The following PTPN6 variants were observed in gnomAD, a reference collection of about 807,000 sequenced individuals.
PTPN6 encodes the protein protein tyrosine phosphatase non-receptor type 6, also known as tyrosine-protein phosphatase non-receptor type 6.
In PTPN6, 18 loss-of-function variants were observed where a neutral mutation model predicts 81.5. That is an observed-to-expected ratio of 0.22 (90% confidence interval 0.15 to 0.33). The LOEUF is 0.33. Ranked by LOEUF, PTPN6 falls within the 10% of genes least tolerant of loss-of-function variation. PTPN6 has a pLI of 1.00. For missense variants in PTPN6, 500 were observed against 794.2 expected, an observed-to-expected ratio of 0.63 and a Z score of 4.45; for synonymous variants, 301 against 310.9, an observed-to-expected ratio of 0.97 and a Z score of 0.33.
In PTPN6 at chr12:6,956,429, T is replaced by C; in HGVS notation, c.935T>C (p.Leu312Pro). 1 of 1,614,134 alleles carries C rather than the reference T, an allele frequency of 6.2e-7. No individual in the cohort carries two copies. The highest frequency in any genetic ancestry group is 8.5e-7 in the Non-Finnish European group (1 of 1,180,024). ...INANYIKNQLLGPDENAKTYI... is the reference protein window; with the variant it reads ...INANYIKNQLPGPDENAKTYI... ...CACGCTTGCGTCCAGAACCAGCTGC[T>C]AGGCCCTGATGAGAACGCTAAGACC... Residue 312 changes from leucine to proline, a missense_variant, in exon 9 of 16, where the codon CTA (leucine) becomes CCA (proline). Physicochemically the swap from Leu to Pro is moderately conservative, Grantham distance 98 (BLOSUM62 -3). Transcript: ENST00000318974. This position sits in a 1 kb window ranked among gnomAD's most constrained non-coding sequence, Gnocchi z 4.1.
At position 6,952,525 on chromosome 12, in the gene PTPN6, T is replaced by G. The variant is rs1555147945; in HGVS notation, c.326+348T>G. On this transcript the variant is annotated intron_variant, in intron 3 of 15. Coordinates refer to ENST00000318974, the MANE Select transcript of PTPN6 (RefSeq NM_002831.6). This position sits in a 1 kb window ranked among gnomAD's most constrained non-coding sequence, Gnocchi z 8.1. ...CAGCTCTGTTGTTAGAAAGCTCTTC[T>G]TCCTCTGGAATCGAGCCTGCCTTCC... 2.6e-6 allele frequency: 1 copy of G among 381,264 alleles called. No individual in the cohort carries two copies. Among genetic ancestry groups the G allele is most frequent in the Non-Finnish European group, 5.0e-6 (1 of 200,852 alleles). The allele number at this position is 381,264 out of a possible 1,614,324, so 23.6% of individuals were successfully genotyped here. A position where few individuals can be genotyped will look rare whatever the true frequency, so the allele number is the denominator to read the frequency against.
rs1669441148 is a variant in PTPN6 at position 6,955,105 on chromosome 12, G to A, written c.517-46G>A. ...TTGAATTCAAGGCTGGGGACCCAGG[G>A]AGGGAGACTCAAGTCCTGTGAATGG... On this transcript the variant is annotated intron_variant, in intron 4 of 15. Coordinates refer to ENST00000318974, the MANE Select transcript of PTPN6 (RefSeq NM_002831.6). This position sits in a 1 kb window ranked among gnomAD's most constrained non-coding sequence, Gnocchi z 7.2. The A allele has an allele frequency of 6.2e-7, 1 of 1,609,748 alleles. No individual in the cohort carries two copies. The highest frequency in any genetic ancestry group is 1.7e-5 in the Admixed American group (1 of 60,006).
Position 6,960,701 on chromosome 12 carries a change from C to T in PTPN6, c.1674-105C>T. ...AGTGCAGGGACCGTGGCTGCGTCAC[C>T]TGTGAGACGGGGTGGCCAGAGGGGA... On this transcript the variant is annotated intron_variant, in intron 14 of 15. Coordinates refer to ENST00000318974, the MANE Select transcript of PTPN6 (RefSeq NM_002831.6). This position sits in a 1 kb window ranked among gnomAD's most constrained non-coding sequence, Gnocchi z 6.1. 1.9e-6 allele frequency: 3 copies of T among 1,551,560 alleles called. No individual in the cohort carries two copies. The highest frequency in any genetic ancestry group is 2.6e-6 in the Non-Finnish European group (3 of 1,146,976).
In PTPN6 at chr12:6,952,437, C is replaced by T; in HGVS notation, c.326+260C>T. 3.6e-6 allele frequency: 2 copies of T among 556,904 alleles called. No individual in the cohort carries two copies. Among genetic ancestry groups the T allele is most frequent in the South Asian group, 4.0e-5 (2 of 49,674 alleles). The allele number at this position is 556,904 out of a possible 1,614,324, so 34.5% of individuals were successfully genotyped here. On this transcript the variant is annotated intron_variant, in intron 3 of 15. Transcript: ENST00000318974. The surrounding 1 kb of genome is among the most constrained non-coding windows in gnomAD (Gnocchi z 8.1). ...CGCCCTACTCCGGGAGCCCTGGCCG[C>T]TGCAACCCAGGTCCCACTGGAGACA...
intron 15 of PTPN6, 74 bp downstream of exon 15, chr12:6,961,019 T>C (rs782389813): frequency 1.4e-5 from 21 of 1,542,730 alleles, no homozygotes; most frequent in Middle Eastern, 2.1e-4. Flanking sequence ...CCTGGGTGGA[T>C]GGGGTGGCCG....
rs1009179104 is a variant in PTPN6 at position 6,954,786 on chromosome 12, C to T, written c.327-19C>T. On this transcript the variant is annotated intron_variant, in intron 3 of 15. Transcript: ENST00000318974. This position sits in a 1 kb window ranked among gnomAD's most constrained non-coding sequence, Gnocchi z 5.4. Reference sequence around the variant, plus strand: ...CCCTGTGGCCTGGGTCTTACCTTCCCTGACGCTGCCTTCTCTAGGTGGTAC... The same window carrying T: ...CCCTGTGGCCTGGGTCTTACCTTCCTTGACGCTGCCTTCTCTAGGTGGTAC... 29 of 1,611,784 alleles carry T rather than the reference C, an allele frequency of 1.8e-5. No individual in the cohort carries two copies. Among genetic ancestry groups the T allele is most frequent in the Non-Finnish European group, 2.3e-5 (27 of 1,179,750 alleles).
In PTPN6 at chr12:6,955,552, G is replaced by A; in HGVS notation, c.747+67G>A. The A allele has an allele frequency of 1.3e-6, 2 of 1,572,196 alleles. No homozygotes were observed. Among genetic ancestry groups the A allele is most frequent in the Non-Finnish European group, 1.7e-6 (2 of 1,143,134 alleles). On this transcript the variant is annotated intron_variant, in intron 6 of 15. Transcript: ENST00000318974. The surrounding 1 kb of genome is among the most constrained non-coding windows in gnomAD (Gnocchi z 7.2). ...TGGCAGCGGCCTGGGGCCCCAGGCG[G>A]ACACCTTCCCCTCCTTGCCCACCTC...
rs781826191 is a variant in PTPN6, at chr12:6,951,454, C to T, written c.-59C>T. ...GCTTAGTCCCTGAGCTCTCTGCCTG[C>T]CCAGACTAGCTGCACCTCCTCATTC... On this transcript the variant is annotated 5_prime_UTR_variant, in exon 1 of 16. Coordinates refer to ENST00000318974, the MANE Select transcript of PTPN6 (RefSeq NM_002831.6). This position sits in a 1 kb window ranked among gnomAD's most constrained non-coding sequence, Gnocchi z 7.2. The T allele has an allele frequency of 1.9e-6, 3 of 1,610,866 alleles. No homozygotes were observed. The highest frequency in any genetic ancestry group is 2.5e-6 in the Non-Finnish European group (3 of 1,178,658).
upstream of PTPN6, among the ~76,000 whole-genome samples, chr12:6,947,217 A>G (rs781969098): frequency 8.5e-5 from 13 of 152,102 alleles, no homozygotes; most frequent in Non-Finnish European, 1.5e-4. Flanking sequence ...AGCATCTATT[A>G]TGCACCAGGT....
intron 11 of PTPN6, among the ~76,000 whole-genome samples, chr12:6,958,275 G>T (rs1468037056): frequency 1.3e-5 from 2 of 152,194 alleles, no homozygotes; most frequent in African/African-American, 4.8e-5. Flanking sequence ...CCCTCTGCCT[G>T]TGGGTATCTT....
In PTPN6 at chr12:6,956,365, G is replaced by T. The variant is rs1271309714; in HGVS notation, c.925-54G>T. 6.2e-7 allele frequency: 1 copy of T among 1,613,800 alleles called. No individual in the cohort carries two copies. The highest frequency in any genetic ancestry group is 8.5e-7 in the Non-Finnish European group (1 of 1,179,862). The stretch of plus-strand genomic sequence containing the variant: ...AGGGTGGCAGTGGTTCAGGGCCTGT[G>T]CTGGGCCAAGGGGCTCACTGTCTTG... On this transcript the variant is annotated intron_variant, in intron 8 of 15. Coordinates refer to ENST00000318974, the MANE Select transcript of PTPN6 (RefSeq NM_002831.6). This position sits in a 1 kb window ranked among gnomAD's most constrained non-coding sequence, Gnocchi z 4.1.
chr12:6,961,046 T>A (rs1252231741), intron 15 of PTPN6, 80 bp from the exon 16 acceptor site: 1 of 1,512,674 alleles, frequency 6.6e-7, no homozygotes, highest in Non-Finnish European at 8.9e-7. Context: ...CATTCTGTGC[T>A]TCCCAGCTGC....
chr12:6,961,190 C>A lies in PTPN6; in HGVS notation c.*90C>A. The A allele has an allele frequency of 1.8e-6, 1 of 543,760 alleles. No individual in the cohort carries two copies. The highest frequency in any genetic ancestry group is 3.6e-5 in the East Asian group (1 of 28,122). 33.7% of individuals were successfully genotyped at this position (543,760 alleles called of 1,614,324 possible). On this transcript the variant is annotated 3_prime_UTR_variant, in exon 16 of 16. Coordinates refer to ENST00000318974, the MANE Select transcript of PTPN6 (RefSeq NM_002831.6). ...GACTCACAACCTGAACCTAGGAGTG[C>A]CCCATTCTTTTGTAATTTAAATGGC...
At chr12:6,950,888 A>G (rs2138256871), upstream of PTPN6, among the ~76,000 whole-genome samples, 1 of 152,310 alleles carries the variant, frequency 6.6e-6, no homozygotes, top group African/African-American at 2.4e-5. Context: ...CTGTAAAATG[A>G]TAAAGATAGC....
chr12:6,960,843 A>G lies in PTPN6; in HGVS notation c.1711A>G (p.Asn571Asp), dbSNP rs782460041. The G allele has an allele frequency of 1.9e-6, 3 of 1,578,226 alleles. No homozygotes were observed. The highest frequency in any genetic ancestry group is 2.6e-6 in the Non-Finnish European group (3 of 1,161,400). The change falls in exon 15 of 16, where the codon AAC (asparagine) becomes GAC (aspartate). Residue 571 changes from asparagine (N) to aspartate (D), a missense_variant. Coordinates refer to ENST00000318974, the MANE Select transcript of PTPN6 (RefSeq NM_002831.6). The surrounding 1 kb of genome is among the most constrained non-coding windows in gnomAD (Gnocchi z 6.1). The stretch of plus-strand genomic sequence containing the variant: ...TGTGTATGAGAACCTGCACACTAAG[A>G]ACAAGAGGGAGGAGAAAGTGAAGAA... ...EDVYENLHTK[N>D]KREEKVKKQR... is the part of the protein sequence containing the mutation.
In PTPN6 at chr12:6,956,341, G is replaced by A. The variant is rs55866184; in HGVS notation, c.925-78G>A. The A allele has an allele frequency of 6.2e-7, 1 of 1,612,038 alleles. No individual in the cohort carries two copies. The highest frequency in any genetic ancestry group is 2.2e-5 in the East Asian group (1 of 44,876). On this transcript the variant is annotated intron_variant, in intron 8 of 15. Transcript: ENST00000318974. This position sits in a 1 kb window ranked among gnomAD's most constrained non-coding sequence, Gnocchi z 4.1. Reference sequence around the variant, plus strand: ...CGAAGCTGGCTTCTTGCATGGGTGAGGGTGGCAGTGGTTCAGGGCCTGTGC... The same window carrying A: ...CGAAGCTGGCTTCTTGCATGGGTGAAGGTGGCAGTGGTTCAGGGCCTGTGC...
Position 6,956,347 on chromosome 12 carries a change from C to T in PTPN6, c.925-72C>T. 1 of 1,612,136 alleles carries T rather than the reference C, an allele frequency of 6.2e-7. No homozygotes were observed. Among genetic ancestry groups the T allele is most frequent in the Non-Finnish European group, 8.5e-7 (1 of 1,178,264 alleles). Reference sequence around the variant, plus strand: ...TGGCTTCTTGCATGGGTGAGGGTGGCAGTGGTTCAGGGCCTGTGCTGGGCC... The same window carrying T: ...TGGCTTCTTGCATGGGTGAGGGTGGTAGTGGTTCAGGGCCTGTGCTGGGCC... On this transcript the variant is annotated intron_variant, in intron 8 of 15. Coordinates refer to ENST00000318974, the MANE Select transcript of PTPN6 (RefSeq NM_002831.6). The surrounding 1 kb of genome is among the most constrained non-coding windows in gnomAD (Gnocchi z 4.1).
At position 6,960,527 on chromosome 12, in the gene PTPN6, G is replaced by T. The variant is rs1555149694; in HGVS notation, c.1673+92G>T. 4 of 1,455,484 alleles carry T rather than the reference G, an allele frequency of 2.7e-6. No individual in the cohort carries two copies. The highest frequency in any genetic ancestry group is 4.9e-5 in the East Asian group (2 of 40,910). 90.2% of individuals were successfully genotyped at this position (1,455,484 alleles called of 1,614,324 possible). Reference sequence around the variant, plus strand: ...TCTGGAGAGGACAAGTGTTGCAGCTGGGGGGACCTGGCTTCAAGTTCAGGC... The same window carrying T: ...TCTGGAGAGGACAAGTGTTGCAGCTTGGGGGACCTGGCTTCAAGTTCAGGC... On this transcript the variant is annotated intron_variant, in intron 14 of 15. Transcript: ENST00000318974. This position sits in a 1 kb window ranked among gnomAD's most constrained non-coding sequence, Gnocchi z 6.1.
Position 6,960,473 on chromosome 12 carries a change from C to T in PTPN6, c.1673+38C>T. 4 of 1,590,182 alleles carry T rather than the reference C, an allele frequency of 2.5e-6. No individual in the cohort carries two copies. The highest frequency in any genetic ancestry group is 2.6e-6 in the Non-Finnish European group (3 of 1,160,328). ...GACTGCCACTGCCCGGCATCCACCC[C>T]TTTGTCCTGCCCAGCCCGATCCTCA... On this transcript the variant is annotated intron_variant, in intron 14 of 15. Coordinates refer to ENST00000318974, the MANE Select transcript of PTPN6 (RefSeq NM_002831.6). This position sits in a 1 kb window ranked among gnomAD's most constrained non-coding sequence, Gnocchi z 6.1.
Sources: allele counts gnomAD v4.1 joint callset (sites outside exome capture counted in the v4.1 genomes callset), GRCh38; gene constraint gnomAD v4.1.1; non-coding constraint Gnocchi (gnomAD v3.1); transcripts MANE v1.5; gene names NCBI Gene and HGNC (gene_info 2026-07-23, HGNC 2026-07-21).